EXTL3: variants seen among roughly 807,000 people sequenced by gnomAD.
The protein encoded by EXTL3 is exostosin like glycosyltransferase 3.
Under a neutral mutation model 69.3 loss-of-function variants are expected in EXTL3, and 27 were observed. That is an observed-to-expected ratio of 0.39 (90% CI 0.29 to 0.54). The LOEUF (loss-of-function observed/expected upper bound fraction) is 0.54, where lower values mean the gene tolerates loss of function less well. Among genes scored for constraint, EXTL3 ranks in the 20% least tolerant of loss-of-function variants. The pLI, the probability that EXTL3 is intolerant of heterozygous loss-of-function variation, is 0.69. For missense variants in EXTL3, 1,003 were observed against 1,231.8 expected (o/e 0.81, Z 2.78); for synonymous variants, 511 against 499.4 (o/e 1.02, Z -0.31).
At chr8:28,643,408 CT>C (rs1554547968) in intron 1 of EXTL3, among the ~76,000 whole-genome samples, 5 of 136,992 alleles carry the variant, frequency 3.6e-5, no homozygotes, top group East Asian at 4.1e-4. Context: ...CTCCTGCTTT[CT>C]TTTTTTTTCT....
intron 2 of EXTL3, among the ~76,000 whole-genome samples, chr8:28,609,436 A>T (rs1055417218): frequency 4.0e-5 from 6 of 148,510 alleles, no homozygotes; most frequent in African/African-American, 1.5e-4. Context: ...AAAGAAGATT[A>T]AAAAAAAAAG....
intron 1 of EXTL3, among the ~76,000 whole-genome samples, chr8:28,655,768 G>A (rs1340381553): frequency 6.6e-6 from 1 of 152,114 alleles, no homozygotes; most frequent in Non-Finnish European, 1.5e-5. Flanking sequence ...TACTAGGATT[G>A]TAGCATGAGC....
At chr8:28,697,950 G>A (rs1184763178), upstream of EXTL3, 1 of 152,116 alleles carries the variant, frequency 6.6e-6, no homozygotes, top group Non-Finnish European at 1.5e-5. Flanking sequence ...GTCAAAATAT[G>A]GAGAGATCAG....
rs544731766 is a variant in EXTL3 at position 28,655,622 on chromosome 8, G to C, written c.-53+32812G>C. On this transcript the variant is annotated intron_variant, in intron 1 of 6. Coordinates refer to the EXTL3 transcript ENST00000523149. ...TCTTCCCACCTCAGCCTCTGGAGTA[G>C]CTGGGACCACAGGTGTGTGCCACCA... 2.6e-5 allele frequency among the ~76,000 whole-genome samples: 4 copies of C among 151,794 alleles called. No homozygotes were observed. In the East Asian group the frequency reaches 5.8e-4, roughly 22 times the overall value.
intron 1 of EXTL3, among the ~76,000 whole-genome samples, chr8:28,670,830 A>G (rs1331510759): frequency 6.6e-6 from 1 of 152,218 alleles, no homozygotes; most frequent in African/African-American, 2.4e-5. Context: ...AAGCTGACAC[A>G]TAAAATTAGC....
intron 5 of EXTL3, chr8:28,740,554 T>G (rs1285861534): frequency 6.6e-6 from 1 of 152,264 alleles, no homozygotes; most frequent in Non-Finnish European, 1.5e-5. Context: ...AGTGTTGGGA[T>G]TACAGGCGTG....
chr8:28,628,558 T>G (rs1294914728), intron 1 of EXTL3, among the ~76,000 whole-genome samples: 1 of 152,172 alleles, frequency 6.6e-6, no homozygotes, highest in Non-Finnish European at 1.5e-5. Flanking sequence ...AAATGGCCAA[T>G]TTTATGTTCA....
At chr8:28,743,397 A>G (rs1291521825) in intron 6 of EXTL3, among the ~76,000 whole-genome samples, 183 bp downstream of exon 6, 1 of 152,198 alleles carries the variant, frequency 6.6e-6, no homozygotes, top group Non-Finnish European at 1.5e-5. Flanking sequence ...GGGGCCCTTC[A>G]TTCCTAAGGG....
At position 28,717,988 on chromosome 8, in the gene EXTL3, T is replaced by A; in HGVS notation, c.1929T>A (p.Ala643=). Residue 643 remains alanine (A), a synonymous_variant, in exon 3 of 7, where the codon GCT becomes GCA. Transcript: ENST00000220562. This position sits in a 1 kb window ranked among gnomAD's most constrained non-coding sequence, Gnocchi z 8.3. ...GTGFRPIGGG[A]GGSGKEFQAA... ...GCTTTCGGCCTATTGGTGGTGGAGCTGGGGGTTCTGGCAAGGAATTTCAGG... is the reference window on the plus strand; with the variant it reads ...GCTTTCGGCCTATTGGTGGTGGAGCAGGGGGTTCTGGCAAGGAATTTCAGG... 1.9e-6 allele frequency: 3 copies of A among 1,614,116 alleles called. No homozygotes were observed. The highest frequency in any genetic ancestry group is 1.3e-5 in the African/African-American group (1 of 75,006).
Position 28,716,860 on chromosome 8 carries a change from G to A in EXTL3, c.801G>A (p.Arg267=), listed in dbSNP as rs948845467. Residue 267 remains arginine (R), a synonymous_variant, in exon 3 of 7, where the codon CGG becomes CGA. Coordinates refer to ENST00000220562, the MANE Select transcript of EXTL3 (RefSeq NM_001440.4). This position sits in a 1 kb window ranked among gnomAD's most constrained non-coding sequence, Gnocchi z 7.1. ...EKQLYSLPHW[R]TDGHNHVIIN... The stretch of plus-strand genomic sequence containing the variant: ...AGTTGTATTCCCTGCCACACTGGCG[G>A]ACGGATGGACACAACCATGTCATCA... 2 of 1,614,232 alleles carry A rather than the reference G, an allele frequency of 1.2e-6. No homozygotes were observed. Among genetic ancestry groups the A allele is most frequent in the Admixed American group, 3.3e-5 (2 of 60,032 alleles).
intron 1 of EXTL3, among the ~76,000 whole-genome samples, chr8:28,654,623 A>T (rs1806976592): frequency 6.6e-6 from 1 of 152,174 alleles, no homozygotes; most frequent in African/African-American, 2.4e-5. Flanking sequence ...TCAGGAAGAT[A>T]TTATTGTTGA....
chr8:28,734,573 G>A (rs1364219789), intron 4 of EXTL3, among the ~76,000 whole-genome samples: 2 of 152,192 alleles, frequency 1.3e-5, no homozygotes, highest in African/African-American at 2.4e-5. Flanking sequence ...TTAGCGGGGC[G>A]TGTTGGCGTG....
chr8:28,745,458 T>G (rs1801870419), intron 6 of EXTL3, among the ~76,000 whole-genome samples: 1 of 152,244 alleles, frequency 6.6e-6, no homozygotes, highest in Non-Finnish European at 1.5e-5. Context: ...CAGTATGTTT[T>G]CCAGGTACAG....
At chr8:28,618,085 T>C (rs1240628098), upstream of EXTL3, among the ~76,000 whole-genome samples, 1 of 152,166 alleles carries the variant, frequency 6.6e-6, no homozygotes, top group Admixed American at 6.5e-5. Context: ...CCTAACATTA[T>C]GAATATAGTT....
rs1295022030 is a variant in EXTL3, at chr8:28,743,166, T to C, written c.2502T>C (p.Ile834=). Residue 834 remains isoleucine (I), a synonymous_variant, in exon 6 of 7, where the codon ATT becomes ATC. Coordinates refer to ENST00000220562, the MANE Select transcript of EXTL3 (RefSeq NM_001440.4). ...MVDEYINCED[I]AMNFLVSHIT... is the part of the protein sequence containing the mutation. The stretch of plus-strand genomic sequence containing the variant: ...ATGAATACATCAACTGTGAGGACAT[T>C]GCCATGAACTTCCTTGTCTCCCACA... 4.3e-6 allele frequency: 7 copies of C among 1,614,206 alleles called. No homozygotes were observed. Among genetic ancestry groups the C allele is most frequent in the Non-Finnish European group, 5.9e-6 (7 of 1,180,006 alleles).
In EXTL3 at chr8:28,754,452, C is replaced by T. The variant is rs1240660899; in HGVS notation, c.*3586C>T. 1 of 152,358 alleles carries T rather than the reference C, an allele frequency of 6.6e-6. No individual in the cohort carries two copies. Among genetic ancestry groups the T allele is most frequent in the South Asian group, 2.1e-4 (1 of 4,832 alleles). The allele number at this position is 152,358 out of a possible 1,614,324, so 9.4% of individuals were successfully genotyped here. Reference sequence around the variant, plus strand: ...TCCTCAAGTGGGGTTCACGACTGATCAGGCAAGTTTGCAGCAGCTGATGGG... The same window carrying T: ...TCCTCAAGTGGGGTTCACGACTGATTAGGCAAGTTTGCAGCAGCTGATGGG... On this transcript the variant is annotated 3_prime_UTR_variant, in exon 7 of 7. Transcript: ENST00000220562.
intron 1 of EXTL3, among the ~76,000 whole-genome samples, chr8:28,669,931 G>A (rs147024753): frequency 0.011 from 1,638 of 152,072 alleles, 12 homozygotes; most frequent in Middle Eastern, 0.027. Flanking sequence ...CTTTGAGGCC[G>A]GGTGCAGTGG....
intron 3 of EXTL3, among the ~76,000 whole-genome samples, chr8:28,728,422 T>G (rs1479223504): frequency 6.6e-6 from 1 of 152,222 alleles, no homozygotes; most frequent in Non-Finnish European, 1.5e-5. Context: ...TACCCTGGGC[T>G]GTACACTTGG....
chr8:28,742,653 A>G (rs898269427), intron 5 of EXTL3: 8 of 308,120 alleles, frequency 2.6e-5, no homozygotes, highest in African/African-American at 1.8e-4. Flanking sequence ...TACAGGAGGC[A>G]GTGAGGGATC....
Sources: allele counts gnomAD v4.1 joint callset (sites outside exome capture counted in the v4.1 genomes callset), GRCh38; gene constraint gnomAD v4.1.1; non-coding constraint Gnocchi (gnomAD v3.1); transcripts MANE v1.5; gene names NCBI Gene and HGNC (gene_info 2026-07-23, HGNC 2026-07-21).